Variants in MYCT1 observed in about 807,000 individuals in gnomAD.
MYCT1 encodes MYC target 1, also known as myc target protein 1.
Under a neutral mutation model 15.0 loss-of-function variants are expected in MYCT1, and 12 were observed. The ratio of observed to expected loss-of-function variants is 0.80; its 90% CI spans 0.51 to 1.29. The LOEUF (loss-of-function observed/expected upper bound fraction) is 1.29, where lower values mean the gene tolerates loss of function less well. Ranked by LOEUF, MYCT1 falls within the 50% of genes most tolerant of loss-of-function variation. MYCT1 has a pLI of 0.00. For synonymous variants in MYCT1, 104 were observed against 102.7 expected, an observed-to-expected ratio of 1.01 and a Z score of -0.07; for missense variants, 287 against 279.1, an observed-to-expected ratio of 1.03 and a Z score of -0.20.
chr6:152,708,063 TAA>T (rs1241982008), intron 1 of MYCT1, among the ~76,000 whole-genome samples: 3 of 151,832 alleles, frequency 2.0e-5, no homozygotes, highest in Non-Finnish European at 4.4e-5. Flanking sequence ...TTTATTTATA[TAA>T]ATAAATTTAA....
downstream of MYCT1, among the ~76,000 whole-genome samples, chr6:152,725,857 A>G (rs532083883): frequency 2.6e-5 from 4 of 152,276 alleles, no homozygotes; most frequent in Non-Finnish European, 1.5e-5. Flanking sequence ...GGATCAGAGC[A>G]TTCCGTATCA....
At chr6:152,745,030 A>C in the MYCT1 span, among the ~76,000 whole-genome samples, 1 of 152,120 alleles carries the variant, frequency 6.6e-6, no homozygotes, top group Admixed American at 6.5e-5. Context: ...CAACTGAAGA[A>C]CAAAGAGAGG....
chr6:152,705,328 A>G (rs766244864), intron 1 of MYCT1, among the ~76,000 whole-genome samples: 12 of 152,344 alleles, frequency 7.9e-5, no homozygotes, highest in Admixed American at 6.5e-4. Context: ...GTTGAACGCT[A>G]TACTGAAAGT....
downstream of MYCT1, among the ~76,000 whole-genome samples, chr6:152,729,045 G>A (rs747448039): frequency 1.3e-5 from 2 of 152,184 alleles, no homozygotes; most frequent in Non-Finnish European, 2.9e-5. Flanking sequence ...TGTGATTTGT[G>A]GAGAATGAGT....
the MYCT1 span, among the ~76,000 whole-genome samples, chr6:152,740,446 T>C: frequency 8.5e-5 from 13 of 152,190 alleles, no homozygotes; most frequent in Non-Finnish European, 1.9e-4. Flanking sequence ...TCTTACTGTT[T>C]AACCATATAG....
At chr6:152,724,850 A>G (rs935918408), downstream of MYCT1, among the ~76,000 whole-genome samples, 6 of 152,076 alleles carry the variant, frequency 3.9e-5, no homozygotes, top group East Asian at 1.2e-3. Context: ...TAAATTTTAC[A>G]AGATTTTTAA....
intron 1 of MYCT1, among the ~76,000 whole-genome samples, chr6:152,701,826 G>A (rs772730674): frequency 1.3e-5 from 2 of 151,972 alleles, no homozygotes; most frequent in Non-Finnish European, 2.9e-5. Flanking sequence ...GCCCTTATTC[G>A]GGTACTTCTC....
chr6:152,738,361 A>G, the MYCT1 span, among the ~76,000 whole-genome samples: 1 of 152,126 alleles, frequency 6.6e-6, no homozygotes, highest in African/African-American at 2.4e-5. Context: ...GAAAATGGAA[A>G]TAGTTATATT....
chr6:152,706,847 A>ATGTGTGTGTGTGTGTGTGTGTGTG (rs4034690), intron 1 of MYCT1, among the ~76,000 whole-genome samples: 29 of 148,302 alleles, frequency 2.0e-4, no homozygotes, highest in African/African-American at 6.9e-4. Context: ...GAAACCATAT[A>ATGTGTGTGTGTGTGTGTGTGTGTG]TGTGTGTGTG....
At chr6:152,727,918 C>T (rs917634691), downstream of MYCT1, among the ~76,000 whole-genome samples, 7 of 152,090 alleles carry the variant, frequency 4.6e-5, no homozygotes, top group Admixed American at 1.3e-4. Flanking sequence ...AATCCCAGCA[C>T]TTTGGTAGAC....
chr6:152,718,077 T>C (rs1319626411), intron 1 of MYCT1, among the ~76,000 whole-genome samples: 1 of 152,132 alleles, frequency 6.6e-6, no homozygotes, highest in Non-Finnish European at 1.5e-5. Flanking sequence ...AGACAATAGG[T>C]TTACCATATC....
intron 1 of MYCT1, among the ~76,000 whole-genome samples, chr6:152,712,917 C>T (rs536482527): frequency 6.6e-6 from 1 of 152,084 alleles, no homozygotes; most frequent in South Asian, 2.1e-4. Flanking sequence ...CTTGATGTTA[C>T]TGAGACTCTT....
At chr6:152,713,503 C>T (rs1032046014) in intron 1 of MYCT1, among the ~76,000 whole-genome samples, 1 of 151,896 alleles carries the variant, frequency 6.6e-6, no homozygotes, top group Non-Finnish European at 1.5e-5. Flanking sequence ...GCTATATTAC[C>T]CTGAAGAGTG....
At chr6:152,727,740 CTGCTCCCAA>C (rs564320158), downstream of MYCT1, among the ~76,000 whole-genome samples, 352 of 152,308 alleles carry the variant, frequency 2.3e-3, 3 homozygotes, top group African/African-American at 8.2e-3. Context: ...TGACAAATCC[CTGCTCCCAA>C]TGGCTGTCAC....
the MYCT1 span, among the ~76,000 whole-genome samples, chr6:152,731,201 T>C: frequency 7.0e-6 from 1 of 143,224 alleles, no homozygotes; most frequent in African/African-American, 2.5e-5. Context: ...GGCAAAAGTA[T>C]GTTAGTGTGT....
intron 1 of MYCT1, among the ~76,000 whole-genome samples, chr6:152,716,214 T>A (rs1014772617): frequency 6.6e-6 from 1 of 152,176 alleles, no homozygotes; most frequent in Non-Finnish European, 1.5e-5. Context: ...TTCTGGCACA[T>A]GAGATATAAT....
At chr6:152,728,416 A>G (rs933022490), downstream of MYCT1, among the ~76,000 whole-genome samples, 2 of 152,176 alleles carry the variant, frequency 1.3e-5, no homozygotes, top group African/African-American at 4.8e-5. Context: ...TGAGGGAAAA[A>G]AATTCACAAA....
intron 1 of MYCT1, among the ~76,000 whole-genome samples, chr6:152,701,480 C>G (rs934798365): frequency 5.9e-5 from 9 of 152,174 alleles, no homozygotes; most frequent in Admixed American, 5.2e-4. Flanking sequence ...AAAGTTTGAT[C>G]TAATTAAGCC....
In MYCT1 at chr6:152,723,826, T is replaced by C. The variant is rs1349673789; in HGVS notation, c.*1573T>C. The stretch of plus-strand genomic sequence containing the variant: ...AAAAGTCTGTGGTTCATTTCCAGTA[T>C]TGTGAATATTTAGTTTATGTGGCCG... On this transcript the variant is annotated 3_prime_UTR_variant, in exon 2 of 2. Coordinates refer to ENST00000367245, the MANE Select transcript of MYCT1 (RefSeq NM_025107.3). 1 of 152,206 alleles carries C rather than the reference T, an allele frequency of 6.6e-6. No homozygotes were observed. Among genetic ancestry groups the C allele is most frequent in the African/African-American group, 2.4e-5 (1 of 41,454 alleles). The allele number at this position is 152,206 out of a possible 1,614,324, so 9.4% of individuals were successfully genotyped here. A position where few individuals can be genotyped will look rare whatever the true frequency, so the allele number is the denominator to read the frequency against.
Sources: allele counts gnomAD v4.1 joint callset (sites outside exome capture counted in the v4.1 genomes callset), GRCh38; gene constraint gnomAD v4.1.1; transcripts MANE v1.5; gene names NCBI Gene and HGNC (gene_info 2026-07-23, HGNC 2026-07-21).